Variants in TSHZ2 observed in about 807,000 individuals in gnomAD.
TSHZ2 encodes the protein teashirt homolog 2.
A neutral mutation model predicts 74.4 loss-of-function variants in TSHZ2; 21 were observed. The observed-to-expected ratio is 0.28, with a 90% confidence interval of 0.20 to 0.41. TSHZ2 has a LOEUF of 0.41. TSHZ2 is among the 10% of genes least tolerant of loss of function. The probability of loss-of-function intolerance (pLI) is 1.00; values close to 1 mark genes in which losing one functional copy is unlikely to be tolerated. For missense variants in TSHZ2, 1,244 were observed against 1,293.5 expected (o/e 0.96, Z 0.59); for synonymous variants, 540 against 515.3 (o/e 1.05, Z -0.65).
At chr20:53,126,008 T>C (rs1986938075) in intron 1 of TSHZ2, among the ~76,000 whole-genome samples, 1 of 148,006 alleles carries the variant, frequency 6.8e-6, no homozygotes. Context: ...AAAATAAAAC[T>C]CTGGGTTTTT....
At chr20:53,103,454 GA>G (rs1986274509) in intron 1 of TSHZ2, among the ~76,000 whole-genome samples, 1 of 152,134 alleles carries the variant, frequency 6.6e-6, no homozygotes. Context: ...TTTTATTTAG[GA>G]AAGACAAAAT....
chr20:53,372,561 C>G (rs1365658402), intron 2 of TSHZ2, among the ~76,000 whole-genome samples: 1 of 152,016 alleles, frequency 6.6e-6, no homozygotes, highest in Admixed American at 6.6e-5. Flanking sequence ...GTTTATTCAC[C>G]CAATACCAGT....
chr20:53,248,688 T>G (rs773435709), intron 1 of TSHZ2, among the ~76,000 whole-genome samples: 37 of 152,228 alleles, frequency 2.4e-4, no homozygotes, highest in Non-Finnish European at 2.4e-4. Context: ...ATTAAGAGCA[T>G]AGATTCTGAT....
In TSHZ2 at chr20:53,469,045, T is replaced by TATA. The variant is rs1985655239; in HGVS notation, c.*9-18099_*9-18098insATA. On this transcript the variant is annotated intron_variant, in intron 2 of 2. Transcript: ENST00000371497. Reference sequence around the variant, plus strand: ...ACCTAAAGGCTCTGAAATCGATATTTTATATATATATATATATATATATAT... The same window carrying TATA: ...ACCTAAAGGCTCTGAAATCGATATTTATATATATATATATATATATATATATAT... 6.7e-4 allele frequency among the ~76,000 whole-genome samples: 33 copies of TATA among 49,126 alleles called. 2 individuals are homozygous for TATA. Among genetic ancestry groups the TATA allele is most frequent in the East Asian group, 8.1e-4 (1 of 1,236 alleles). 32.2% of individuals were successfully genotyped at this position (49,126 alleles called of 152,430 possible). A position where few individuals can be genotyped will look rare whatever the true frequency, so the allele number is the denominator to read the frequency against.
At chr20:53,051,583 T>G (rs1984471320) in intron 1 of TSHZ2, among the ~76,000 whole-genome samples, 1 of 152,098 alleles carries the variant, frequency 6.6e-6, no homozygotes, top group African/African-American at 2.4e-5. Flanking sequence ...ATCAAGTAGT[T>G]TTATTGATTT....
At chr20:53,043,924 A>G (rs1984134646) in intron 1 of TSHZ2, among the ~76,000 whole-genome samples, 1 of 148,916 alleles carries the variant, frequency 6.7e-6, no homozygotes, top group African/African-American at 2.6e-5. Flanking sequence ...TGGAGACTCA[A>G]AGAAAAAGCA....
At chr20:53,468,293 C>A (rs1320382321) in intron 2 of TSHZ2, among the ~76,000 whole-genome samples, 1 of 152,170 alleles carries the variant, frequency 6.6e-6, no homozygotes, top group South Asian at 2.1e-4. Flanking sequence ...TTTCACAGGG[C>A]AAACTCTCAT....
At position 53,253,538 on chromosome 20, in the gene TSHZ2, TAAA is replaced by T. The variant is rs772403150; in HGVS notation, c.82_84del (p.Lys28del). On this transcript the variant is annotated inframe_deletion, in exon 2 of 3. Transcript: ENST00000371497. ...GAACAGCTGAAAGAAGAGGAGGAAA[TAAA>T]AGAAGAGGAGGAGGAGGAGGACAGC... 110 of 1,612,062 alleles carry T rather than the reference TAAA, an allele frequency of 6.8e-5. No homozygotes were observed. The highest frequency in any genetic ancestry group is 8.7e-5 in the Non-Finnish European group (103 of 1,179,184).
At chr20:53,427,412 A>G (rs1568912666) in intron 2 of TSHZ2, among the ~76,000 whole-genome samples, 1 of 152,266 alleles carries the variant, frequency 6.6e-6, no homozygotes, top group East Asian at 1.9e-4. Flanking sequence ...GTTGCATGCC[A>G]GATCCCCACC....
chr20:53,481,276 A>G (rs1032830772), intron 2 of TSHZ2, among the ~76,000 whole-genome samples: 19 of 152,154 alleles, frequency 1.2e-4, no homozygotes, highest in African/African-American at 4.3e-4. Flanking sequence ...TTCTTTTAAT[A>G]TAAGAAATAA....
intron 1 of TSHZ2, among the ~76,000 whole-genome samples, chr20:53,249,088 G>A (rs1274607557): frequency 1.3e-5 from 2 of 151,918 alleles, no homozygotes; most frequent in African/African-American, 4.8e-5. Flanking sequence ...TGATCTGCCT[G>A]CCTCAGCCTC....
At chr20:53,335,121 G>A (rs1388172991) in intron 2 of TSHZ2, among the ~76,000 whole-genome samples, 3 of 152,168 alleles carry the variant, frequency 2.0e-5, no homozygotes, top group Non-Finnish European at 4.4e-5. Context: ...TTCTCAAAAC[G>A]GGGTTCTTAA....
At chr20:53,279,308 A>G (rs1299118491) in intron 2 of TSHZ2, among the ~76,000 whole-genome samples, 2 of 152,266 alleles carry the variant, frequency 1.3e-5, no homozygotes, top group Non-Finnish European at 2.9e-5. Context: ...GATAGATTAT[A>G]TCCCAGTGAA....
chr20:53,366,679 C>T (rs6068526), intron 2 of TSHZ2, among the ~76,000 whole-genome samples: 22,849 of 152,076 alleles, frequency 0.15, 2,253 homozygotes, highest in South Asian at 0.35. Context: ...GGCCCCACTG[C>T]GTATTAGACA....
intron 1 of TSHZ2, among the ~76,000 whole-genome samples, chr20:53,004,953 A>G (rs573834066): frequency 6.6e-6 from 1 of 152,148 alleles, no homozygotes; most frequent in Non-Finnish European, 1.5e-5. Context: ...CCAGTAAGTG[A>G]TATAATAGAA....
At chr20:53,444,464 C>T (rs945108058) in intron 2 of TSHZ2, among the ~76,000 whole-genome samples, 1 of 152,032 alleles carries the variant, frequency 6.6e-6, no homozygotes, top group African/African-American at 2.4e-5. Flanking sequence ...CCTCCAGTGC[C>T]GGTACTGCAG....
At chr20:53,158,526 G>A (rs547655381) in intron 1 of TSHZ2, among the ~76,000 whole-genome samples, 2 of 152,254 alleles carry the variant, frequency 1.3e-5, no homozygotes, top group South Asian at 4.1e-4. Flanking sequence ...TTTGAAGTTT[G>A]AGCCTATCAG....
chr20:53,221,427 A>G (rs1989554280), intron 1 of TSHZ2, among the ~76,000 whole-genome samples: 1 of 152,170 alleles, frequency 6.6e-6, no homozygotes, highest in Non-Finnish European at 1.5e-5. Context: ...GGGGCCACCT[A>G]TTTTTGTTAT....
chr20:53,341,715 G>C (rs577635091), intron 2 of TSHZ2, among the ~76,000 whole-genome samples: 2 of 152,080 alleles, frequency 1.3e-5, no homozygotes, highest in East Asian at 3.9e-4. Flanking sequence ...TGTGGGGCAG[G>C]GGGGTGCGGG....
Sources: gnomAD v4.1 joint callset for allele counts (sites outside exome capture counted in the v4.1 genomes callset) on GRCh38, gnomAD v4.1.1 for gene constraint, MANE v1.5 for transcripts, NCBI Gene and HGNC (gene_info 2026-07-23, HGNC 2026-07-21) for gene names.